CYP2C8: variants seen among roughly 807,000 people sequenced by gnomAD.
CYP2C8 encodes cytochrome P450 family 2 subfamily C member 8.
CYP2C8 carries 51 observed loss-of-function variants against 41.3 expected under a neutral mutation model. That is an observed-to-expected ratio of 1.24 (90% CI 0.99 to 1.56). CYP2C8 has a LOEUF of 1.56. Among genes scored for constraint, CYP2C8 ranks in the 40% most tolerant of loss-of-function variants. The pLI is 0.00. For synonymous variants in CYP2C8, 218 were observed against 205.8 expected (o/e 1.06, Z -0.51); for missense variants, 651 against 579.9 (o/e 1.12, Z -1.26).
At position 95,045,955 on chromosome 10, in the gene CYP2C8, G is replaced by T; in HGVS notation, c.820-4C>A. ...CTGACTTTTGGTTGTCCTTTTCCTAGAAGTGATTTCATGCAATTATCTGAC... is the reference window on the plus strand; with the variant it reads ...CTGACTTTTGGTTGTCCTTTTCCTATAAGTGATTTCATGCAATTATCTGAC... On this transcript the variant is annotated splice_polypyrimidine_tract_variant and splice_region_variant and intron_variant, in intron 5 of 8. Coordinates refer to ENST00000371270, the MANE Select transcript of CYP2C8 (RefSeq NM_000770.3). 5.0e-6 allele frequency: 8 copies of T among 1,613,730 alleles called. No homozygotes were observed. The highest frequency in any genetic ancestry group is 6.8e-6 in the Non-Finnish European group (8 of 1,179,772).
chr10:95,063,496 C>T (rs944601653), intron 4 of CYP2C8, among the ~76,000 whole-genome samples: 2 of 152,174 alleles, frequency 1.3e-5, no homozygotes, highest in African/African-American at 2.4e-5. Flanking sequence ...CCATCAGGTC[C>T]TTTAAGGACT....
chr10:95,037,610 A>G (rs1214824519), intron 8 of CYP2C8, among the ~76,000 whole-genome samples: 1 of 152,216 alleles, frequency 6.6e-6, no homozygotes, highest in Non-Finnish European at 1.5e-5. Flanking sequence ...TTCTTTATTT[A>G]TTCCCACATT....
Position 95,045,850 on chromosome 10 carries a change from T to C in CYP2C8, c.921A>G (p.Arg307=). The change falls in exon 6 of 9, where the codon AGA becomes AGG. Residue 307 remains arginine (R), a synonymous_variant. Transcript: ENST00000371270. The stretch of plus-strand genomic sequence containing the variant: ...GCTTCAGCAGGAGCAGGAGTCCATA[T>C]CTCAGAGTGGTGCTTGTTGTCTCTG... The part of the protein sequence containing the change: ...AGTETTSTTL[R]YGLLLLLKHP... 1 of 1,614,054 alleles carries C rather than the reference T, an allele frequency of 6.2e-7. No homozygotes were observed. The highest frequency in any genetic ancestry group is 8.5e-7 in the Non-Finnish European group (1 of 1,179,920).
In CYP2C8 at chr10:95,067,202, A is replaced by AC. The variant is rs1248245045; in HGVS notation, c.481+5dup. ...AAGGTCAATGACGCAGAGTAGAGTC[A>AC]CCCACCCTTGGTTTTTCTCAACTCC... is the stretch of plus-strand genomic sequence containing the variant. On this transcript the variant is annotated splice_donor_region_variant and intron_variant, in intron 3 of 8. Coordinates refer to ENST00000371270, the MANE Select transcript of CYP2C8 (RefSeq NM_000770.3). 6.2e-7 allele frequency: 1 copy of AC among 1,614,010 alleles called. No individual in the cohort carries two copies. The highest frequency in any genetic ancestry group is 2.2e-5 in the East Asian group (1 of 44,876).
chr10:95,064,354 G>A lies in CYP2C8; in HGVS notation c.642+446C>T, dbSNP rs570207877. 9.8e-5 allele frequency among the ~76,000 whole-genome samples: 15 copies of A among 152,338 alleles called. No individual in the cohort carries two copies. In the South Asian group the frequency reaches 2.9e-3, roughly 29 times the overall value. On this transcript the variant is annotated intron_variant, in intron 4 of 8. Coordinates refer to ENST00000371270, the MANE Select transcript of CYP2C8 (RefSeq NM_000770.3). The stretch of plus-strand genomic sequence containing the variant: ...TGGACACCCCTCCCCCAGCCTCGCT[G>A]CTGCCTTGCAGTTGGATCTCAGACT...
chr10:95,067,004 C>G (rs1262983228), intron 3 of CYP2C8, among the ~76,000 whole-genome samples: 1 of 151,984 alleles, frequency 6.6e-6, no homozygotes, highest in African/African-American at 2.4e-5. Flanking sequence ...ATTCCTACAC[C>G]CTATGAACCA....
Position 95,058,353 on chromosome 10 carries a change from G to C in CYP2C8, c.801C>G (p.Phe267Leu). ...ATCTTACCTGCTCCATTTTGATCAG[G>C]AAGCAATCGATAAAGTCCCGAGGAT... The part of the protein sequence containing the change: ...VNNPRDFIDC[F>L]LIKMEQEKDN... Residue 267 changes from phenylalanine to leucine, a missense_variant, in exon 5 of 9, where the codon TTC (phenylalanine) becomes TTG (leucine). Transcript: ENST00000371270. The C allele has an allele frequency of 1.2e-6, 2 of 1,613,278 alleles. No homozygotes were observed. The highest frequency in any genetic ancestry group is 3.3e-4 in the Middle Eastern group (2 of 6,002).
intron 8 of CYP2C8, 133 bp from the exon 9 acceptor site, chr10:95,037,442 G>A: frequency 1.3e-6 from 1 of 748,830 alleles, no homozygotes; most frequent in South Asian, 1.6e-5. Flanking sequence ...GAATGAACAT[G>A]TGGATGAATG....
chr10:95,066,104 T>C (rs1467929538), intron 3 of CYP2C8, among the ~76,000 whole-genome samples: 1 of 141,714 alleles, frequency 7.1e-6, no homozygotes, highest in African/African-American at 2.7e-5. Flanking sequence ...TGAAAGGTAA[T>C]TTGGGAAGCC....
At chr10:95,060,042 T>A (rs980634335) in intron 4 of CYP2C8, among the ~76,000 whole-genome samples, 1 of 152,250 alleles carries the variant, frequency 6.6e-6, no homozygotes, top group Non-Finnish European at 1.5e-5. Flanking sequence ...TTTTGGTTAA[T>A]GCAGCCTTGT....
intron 5 of CYP2C8, among the ~76,000 whole-genome samples, chr10:95,053,122 G>A (rs1172557662): frequency 1.3e-5 from 2 of 151,710 alleles, no homozygotes; most frequent in Admixed American, 6.6e-5. Context: ...TACAAAAATC[G>A]GTAGTATTTC....
intron 5 of CYP2C8, among the ~76,000 whole-genome samples, chr10:95,047,041 C>T (rs1386174646): frequency 6.6e-6 from 1 of 152,134 alleles, no homozygotes; most frequent in Non-Finnish European, 1.5e-5. Flanking sequence ...AGTGAGTTCA[C>T]ATAAGATCTG....
At chr10:95,062,543 T>C (rs1458167741) in intron 4 of CYP2C8, among the ~76,000 whole-genome samples, 1 of 152,186 alleles carries the variant, frequency 6.6e-6, no homozygotes, top group African/African-American at 2.4e-5. Context: ...TCTCTGCACA[T>C]GAGATGGGTT....
chr10:95,044,935 G>T (rs1476049358), intron 6 of CYP2C8, among the ~76,000 whole-genome samples: 1 of 152,138 alleles, frequency 6.6e-6, no homozygotes, highest in East Asian at 1.9e-4. Flanking sequence ...TGTGTCAATT[G>T]TCAGCCCTCC....
At chr10:95,061,872 T>C (rs954970209) in intron 4 of CYP2C8, among the ~76,000 whole-genome samples, 1 of 152,234 alleles carries the variant, frequency 6.6e-6, no homozygotes, top group African/African-American at 2.4e-5. Context: ...AGAACATCTT[T>C]ATTTCTGCCT....
intron 5 of CYP2C8, 150 bp downstream of exon 5, chr10:95,058,185 G>C: frequency 8.5e-7 from 1 of 1,174,018 alleles, no homozygotes; most frequent in Non-Finnish European, 1.2e-6. Flanking sequence ...ATGATGTTTA[G>C]TGCAGGCCCA....
chr10:95,042,793 C>T, intron 7 of CYP2C8, 97 bp downstream of exon 7: 3 of 1,018,470 alleles, frequency 2.9e-6, no homozygotes, highest in East Asian at 2.4e-5. Flanking sequence ...ATGAGTTTTG[C>T]ACTTCTCTCA....
chr10:95,056,701 T>G (rs1177951569), intron 5 of CYP2C8, among the ~76,000 whole-genome samples: 1 of 152,172 alleles, frequency 6.6e-6, no homozygotes, highest in East Asian at 1.9e-4. Context: ...GGCAAATCCA[T>G]AAAGATAGTT....
At position 95,049,251 on chromosome 10, in the gene CYP2C8, A is replaced by C. The variant is rs538354762; in HGVS notation, c.820-3300T>G. Among the ~76,000 whole-genome samples the C allele has an allele frequency of 7.2e-5, 11 of 152,050 alleles. No individual in the cohort carries two copies. In the East Asian group the frequency reaches 1.9e-3, roughly 27 times the overall value. On this transcript the variant is annotated intron_variant, in intron 5 of 8. Transcript: ENST00000371270. ...GCTTCATTGATTATTCCCCAAGCAA[A>C]GACATCAGTTTAACAGCTATCTACA... is the stretch of plus-strand genomic sequence containing the variant.
Sources: allele counts gnomAD v4.1 joint callset (sites outside exome capture counted in the v4.1 genomes callset), GRCh38; gene constraint gnomAD v4.1.1; transcripts MANE v1.5; gene names NCBI Gene and HGNC (gene_info 2026-07-23, HGNC 2026-07-21).